The following DYRK1A variants were observed in gnomAD, a reference collection of about 807,000 sequenced individuals.
DYRK1A encodes the protein dual specificity tyrosine-phosphorylation-regulated kinase 1A.
DYRK1A carries 9 observed loss-of-function variants against 79.7 expected under a neutral mutation model. That is an observed-to-expected ratio of 0.11 (90% confidence interval 0.07 to 0.20). The LOEUF (loss-of-function observed/expected upper bound fraction) is 0.20, where lower values mean the gene tolerates loss of function less well. Among genes scored for constraint, DYRK1A ranks in the 10% least tolerant of loss-of-function variants. DYRK1A has a pLI of 1.00. For synonymous variants in DYRK1A, 349 were observed against 329.7 expected (o/e 1.06, Z -0.63); for missense variants, 622 against 956.0 (o/e 0.65, Z 4.61).
At chr21:37,407,103 A>G (rs971706375) in intron 1 of DYRK1A, among the ~76,000 whole-genome samples, 2 of 152,120 alleles carry the variant, frequency 1.3e-5, no homozygotes, top group Non-Finnish European at 2.9e-5. Flanking sequence ...TGTTATACAC[A>G]GATATATTTA....
At chr21:37,398,040 C>T (rs2148396430) in intron 1 of DYRK1A, among the ~76,000 whole-genome samples, 1 of 146,530 alleles carries the variant, frequency 6.8e-6, no homozygotes, top group Admixed American at 6.9e-5. Context: ...TGAGAGCAGC[C>T]TGGGAACATA....
intron 1 of DYRK1A, among the ~76,000 whole-genome samples, chr21:37,405,721 C>T (rs764648517): frequency 6.6e-6 from 1 of 152,132 alleles, no homozygotes; most frequent in South Asian, 2.1e-4. Flanking sequence ...TCTTTCCCTC[C>T]CTCATAACTT....
chr21:37,385,381 A>G (rs972354786), intron 1 of DYRK1A, among the ~76,000 whole-genome samples: 2 of 152,176 alleles, frequency 1.3e-5, no homozygotes, highest in South Asian at 4.1e-4. Context: ...TTCTAAGCTC[A>G]TATGGTTGTT....
At chr21:37,437,419 G>A (rs2050956618) in intron 2 of DYRK1A, among the ~76,000 whole-genome samples, 1 of 152,138 alleles carries the variant, frequency 6.6e-6, no homozygotes, top group African/African-American at 2.4e-5. Context: ...GGGATTGATT[G>A]TACTTAGAGT....
At chr21:37,410,123 A>G (rs1210401026) in intron 1 of DYRK1A, among the ~76,000 whole-genome samples, 1 of 152,222 alleles carries the variant, frequency 6.6e-6, no homozygotes, top group Non-Finnish European at 1.5e-5. Flanking sequence ...ATGCTTAAAT[A>G]GACTGTGTAC....
At chr21:37,492,042 C>G (rs1052421880) in intron 7 of DYRK1A, among the ~76,000 whole-genome samples, 4 of 152,176 alleles carry the variant, frequency 2.6e-5, no homozygotes, top group Non-Finnish European at 5.9e-5. Flanking sequence ...TGACAAAGTT[C>G]TTGGCATAAG....
intron 3 of DYRK1A, among the ~76,000 whole-genome samples, chr21:37,473,288 TA>T (rs927477416): frequency 2.6e-5 from 4 of 152,180 alleles, no homozygotes; most frequent in African/African-American, 9.7e-5. Flanking sequence ...TTTGTAAAAA[TA>T]AATACAAAAC....
chr21:37,445,966 C>G (rs2051256518), intron 2 of DYRK1A, among the ~76,000 whole-genome samples: 1 of 152,076 alleles, frequency 6.6e-6, no homozygotes, highest in African/African-American at 2.4e-5. Flanking sequence ...TAGTGAGACC[C>G]TCATCTGTAT....
At chr21:37,459,143 C>A (rs2051757148) in intron 2 of DYRK1A, among the ~76,000 whole-genome samples, 1 of 152,180 alleles carries the variant, frequency 6.6e-6, no homozygotes, top group Non-Finnish European at 1.5e-5. Flanking sequence ...AAGCTGTGGT[C>A]ACTGTCATTT....
intron 5 of DYRK1A, chr21:37,481,729 G>C (rs2052648552): frequency 6.6e-6 from 1 of 152,076 alleles, no homozygotes; most frequent in Non-Finnish European, 1.5e-5. Context: ...TTTCGGGTCA[G>C]GCGTGGTGAC....
intron 6 of DYRK1A, chr21:37,489,004 T>TG: frequency 3.1e-6 from 1 of 322,088 alleles, no homozygotes; most frequent in South Asian, 1.2e-4. Flanking sequence ...TATATAGCCA[T>TG]GTAGTTATTT....
intron 9 of DYRK1A, among the ~76,000 whole-genome samples, chr21:37,500,923 T>A (rs1423715719): frequency 6.6e-6 from 1 of 151,288 alleles, no homozygotes. Flanking sequence ...TTGACTTTGT[T>A]GATTTCTTTT....
intron 3 of DYRK1A, among the ~76,000 whole-genome samples, chr21:37,475,407 T>A (rs565375709): frequency 6.5e-4 from 99 of 152,358 alleles, no homozygotes; most frequent in African/African-American, 2.3e-3. Context: ...TGTCAGATGC[T>A]TAGGGCTGGC....
chr21:37,483,488 C>T (rs148612644), intron 5 of DYRK1A, among the ~76,000 whole-genome samples: 94 of 152,344 alleles, frequency 6.2e-4, no homozygotes, highest in African/African-American at 1.9e-3. Flanking sequence ...TTGGTAATTA[C>T]ACATAATCCA....
At chr21:37,482,244 C>G (rs915047675) in intron 5 of DYRK1A, among the ~76,000 whole-genome samples, 2 of 152,106 alleles carry the variant, frequency 1.3e-5, no homozygotes, top group Admixed American at 6.5e-5. Flanking sequence ...GGAAATTCAG[C>G]CAGATATCGG....
At chr21:37,371,845 C>G (rs1369569379) in intron 1 of DYRK1A, among the ~76,000 whole-genome samples, 2 of 152,110 alleles carry the variant, frequency 1.3e-5, no homozygotes, top group Non-Finnish European at 2.9e-5. Flanking sequence ...TCAGCATCAA[C>G]TCTATTTTAA....
intron 2 of DYRK1A, chr21:37,464,215 A>T: frequency 2.3e-6 from 1 of 444,288 alleles, no homozygotes; most frequent in Admixed American, 2.7e-5. Context: ...TATCTTTTTG[A>T]ATCTTATGTC....
intron 1 of DYRK1A, among the ~76,000 whole-genome samples, chr21:37,405,466 G>A (rs960794195): frequency 5.9e-5 from 9 of 152,070 alleles, no homozygotes; most frequent in Admixed American, 2.0e-4. Flanking sequence ...GACTCCTTCC[G>A]TCTTTCATTG....
intron 2 of DYRK1A, among the ~76,000 whole-genome samples, chr21:37,472,411 AAAGT>A (rs2052255461): frequency 6.6e-6 from 1 of 152,196 alleles, no homozygotes; most frequent in Admixed American, 6.5e-5. Context: ...CTCGTAGGTG[AAAGT>A]AAGTCTTAAA....
Sources: gnomAD v4.1 joint callset for allele counts (sites outside exome capture counted in the v4.1 genomes callset) on GRCh38, gnomAD v4.1.1 for gene constraint, MANE v1.5 for transcripts, NCBI Gene and HGNC (gene_info 2026-07-23, HGNC 2026-07-21) for gene names.